Variants in JAK1 observed in about 807,000 individuals in gnomAD.
JAK1 encodes Janus kinase 1.
JAK1 carries 16 observed loss-of-function variants against 136.6 expected under a neutral mutation model. That is an observed-to-expected ratio of 0.12 (90% CI 0.08 to 0.18). JAK1 has a LOEUF of 0.18. JAK1 is among the 10% of genes least tolerant of loss of function. The probability of loss-of-function intolerance (pLI) is 1.00; values close to 1 mark genes in which losing one functional copy is unlikely to be tolerated. For synonymous variants in JAK1, 492 were observed against 519.5 expected (o/e 0.95, Z 0.72); for missense variants, 859 against 1,450.1 (o/e 0.59, Z 6.62).
intron 22 of JAK1, among the ~76,000 whole-genome samples, chr1:64,837,339 C>A (rs1293244436): frequency 6.6e-6 from 1 of 152,158 alleles, no homozygotes; most frequent in East Asian, 1.9e-4. Context: ...TAGGGGAGTG[C>A]TGATTGGTTA....
intron 2 of JAK1, chr1:64,990,372 C>T: frequency 6.6e-6 from 1 of 152,194 alleles, no homozygotes; most frequent in Non-Finnish European, 1.5e-5. Flanking sequence ...CTTCAGCAAC[C>T]ACACATGACA....
chr1:64,972,336 T>C (rs1036085586), intron 2 of JAK1: 3 of 152,256 alleles, frequency 2.0e-5, no homozygotes, highest in Non-Finnish European at 2.9e-5. Context: ...GTCCACTGTT[T>C]TAGACCCTGA....
At chr1:64,927,728 G>A (rs746149885) in intron 1 of JAK1, among the ~76,000 whole-genome samples, 17 of 152,232 alleles carry the variant, frequency 1.1e-4, no homozygotes, top group Non-Finnish European at 2.2e-4. Flanking sequence ...GGTCAACGAT[G>A]AGTATCGATC....
chr1:65,047,354 A>G (rs1647193692), intron 1 of JAK1, among the ~76,000 whole-genome samples: 1 of 152,176 alleles, frequency 6.6e-6, no homozygotes, highest in African/African-American at 2.4e-5. Context: ...ATATTTACCT[A>G]TATAGATTGT....
intron 2 of JAK1, among the ~76,000 whole-genome samples, chr1:65,034,409 A>T (rs1647051896): frequency 6.6e-6 from 1 of 152,238 alleles, no homozygotes; most frequent in Non-Finnish European, 1.5e-5. Context: ...GTCTTCAGTT[A>T]TCCTAAGTGA....
At chr1:65,052,977 G>C (rs1372778253) in intron 1 of JAK1, among the ~76,000 whole-genome samples, 1 of 143,838 alleles carries the variant, frequency 7.0e-6, no homozygotes, top group Non-Finnish European at 1.5e-5. Context: ...GTTGCAGTGA[G>C]CCAAGATCAC....
At chr1:64,910,373 A>G (rs535195325) in intron 1 of JAK1, among the ~76,000 whole-genome samples, 1 of 152,316 alleles carries the variant, frequency 6.6e-6, no homozygotes, top group South Asian at 2.1e-4. Flanking sequence ...GATCAAATGC[A>G]TTGCTCTCGT....
intron 22 of JAK1, among the ~76,000 whole-genome samples, chr1:64,836,418 C>T (rs913579632): frequency 7.2e-5 from 11 of 152,100 alleles, no homozygotes; most frequent in African/African-American, 2.2e-4. Context: ...TACAGGCTCT[C>T]GGTAGCACGT....
At chr1:65,051,690 T>C (rs748874054) in intron 1 of JAK1, among the ~76,000 whole-genome samples, 16 of 152,162 alleles carry the variant, frequency 1.1e-4, no homozygotes, top group Non-Finnish European at 1.8e-4. Context: ...ACAAAGATAG[T>C]AGCAAAAAAG....
chr1:64,877,182 A>G (rs773002297), intron 4 of JAK1, among the ~76,000 whole-genome samples: 1 of 152,236 alleles, frequency 6.6e-6, no homozygotes, highest in Non-Finnish European at 1.5e-5. Context: ...TAATTGAAAT[A>G]CAAGAATATT....
At position 64,847,545 on chromosome 1, in the gene JAK1, C is replaced by A. The variant is rs2101014590; in HGVS notation, c.1886G>T (p.Arg629Met). The A allele has an allele frequency of 6.2e-7, 1 of 1,614,084 alleles. No individual in the cohort carries two copies. The highest frequency in any genetic ancestry group is 8.5e-7 in the Non-Finnish European group (1 of 1,179,996). The change falls in exon 13 of 25, where the codon AGG becomes ATG. Residue 629 changes from arginine to methionine, a missense_variant. Around this residue, in one of 4 missense-constraint regions of JAK1, gnomAD observed 409 missense variants for 753.8 expected, o/e 0.54. Coordinates refer to ENST00000342505, the MANE Select transcript of JAK1 (RefSeq NM_002227.4). Reference sequence around the variant, plus strand: ...GAAGACACTTGCCAGGGAAATATCCCTGTGGCTGGGGTCTAAGACTTTGAG... The same window carrying A: ...GAAGACACTTGCCAGGGAAATATCCATGTGGCTGGGGTCTAAGACTTTGAG... ...VILKVLDPSHRDISLAFFEAA... is the reference protein window; with the variant it reads ...VILKVLDPSHMDISLAFFEAA...
intron 1 of JAK1, among the ~76,000 whole-genome samples, chr1:64,948,693 G>A (rs181763482): frequency 6.6e-6 from 1 of 152,156 alleles, no homozygotes. Context: ...GGGGAAAAAA[G>A]AAGACTCTAT....
chr1:64,844,827 G>A lies in JAK1; in HGVS notation c.2178C>T (p.Gly726=), dbSNP rs756141771. ...CTKNLLLARE[G]IDSECGPFIK... ...TGAATGGGCCACACTCACTGTCGATGCCCTCACGGGCCAGGAGGAGGTTTT... is the reference window on the plus strand; with the variant it reads ...TGAATGGGCCACACTCACTGTCGATACCCTCACGGGCCAGGAGGAGGTTTT... The change falls in exon 16 of 25, where the codon GGC becomes GGT. Residue 726 remains glycine, a synonymous_variant. Coordinates refer to ENST00000342505, the MANE Select transcript of JAK1 (RefSeq NM_002227.4). The surrounding 1 kb of genome is among the most constrained non-coding windows in gnomAD (Gnocchi z 5.7). The A allele has an allele frequency of 5.6e-6, 9 of 1,614,160 alleles. No homozygotes were observed. Among genetic ancestry groups the A allele is most frequent in the Non-Finnish European group, 7.6e-6 (9 of 1,180,002 alleles).
intron 1 of JAK1, among the ~76,000 whole-genome samples, chr1:64,954,006 T>C (rs1646138172): frequency 6.6e-6 from 1 of 152,116 alleles, no homozygotes; most frequent in South Asian, 2.1e-4. Context: ...CAATACCAAA[T>C]ACTATATTGT....
At chr1:64,845,362 C>T (rs749974124) in intron 15 of JAK1, 151 bp downstream of exon 15, 20 of 858,914 alleles carry the variant, frequency 2.3e-5, no homozygotes, top group Non-Finnish European at 3.4e-5. Context: ...CAGTAAGCAC[C>T]AGGCACACCT....
At chr1:64,853,115 G>A (rs1042313941) in intron 11 of JAK1, among the ~76,000 whole-genome samples, 1 of 152,218 alleles carries the variant, frequency 6.6e-6, no homozygotes, top group Non-Finnish European at 1.5e-5. Context: ...AAACCCCGTG[G>A]TTAGGAGAGC....
chr1:64,873,292 C>T (rs1233544846), intron 5 of JAK1, 78 bp downstream of exon 5: 4 of 1,556,160 alleles, frequency 2.6e-6, no homozygotes, highest in Non-Finnish European at 3.5e-6. Context: ...CCAAGTTCAG[C>T]TGCAGCAGGG....
At chr1:64,985,713 C>T (rs1646592308) in intron 2 of JAK1, 3 of 703,212 alleles carry the variant, frequency 4.3e-6, no homozygotes, top group Non-Finnish European at 5.2e-6. Flanking sequence ...GCAGAAGAGG[C>T]CAATAACCAA....
intron 1 of JAK1, among the ~76,000 whole-genome samples, chr1:64,898,514 G>A (rs1027212720): frequency 6.6e-6 from 1 of 152,196 alleles, no homozygotes; most frequent in Non-Finnish European, 1.5e-5. Context: ...ATGCACAAAA[G>A]TCATGTTGGA....
Sources: gnomAD v4.1 joint callset for allele counts (sites outside exome capture counted in the v4.1 genomes callset) on GRCh38, gnomAD v4.1.1 for gene constraint, gnomAD v4.1.1 regional missense constraint, Gnocchi (gnomAD v3.1) non-coding constraint, MANE v1.5 for transcripts, NCBI Gene and HGNC (gene_info 2026-07-23, HGNC 2026-07-21) for gene names.